TNFRSF10C: variants seen among roughly 807,000 people sequenced by gnomAD.
TNFRSF10C encodes tumor necrosis factor receptor superfamily member 10C.
Under a neutral mutation model 16.7 loss-of-function variants are expected in TNFRSF10C, and 17 were observed. The observed-to-expected ratio is 1.02, with a 90% CI of 0.70 to 1.53. TNFRSF10C has a LOEUF of 1.53. TNFRSF10C is among the 40% of genes most tolerant of loss of function. The pLI, the probability that TNFRSF10C is intolerant of heterozygous loss-of-function variation, is 0.00. For missense variants in TNFRSF10C, 237 were observed against 329.7 expected (o/e 0.72, Z 2.18); for synonymous variants, 73 against 119.7 (o/e 0.61, Z 2.55).
chr8:23,110,956 C>T (rs1813868822), intron 1 of TNFRSF10C, among the ~76,000 whole-genome samples: 1 of 152,098 alleles, frequency 6.6e-6, no homozygotes, highest in Non-Finnish European at 1.5e-5. Context: ...AAAATCTTTT[C>T]TTTCCAACCA....
intron 2 of TNFRSF10C, among the ~76,000 whole-genome samples, chr8:23,112,749 G>A (rs1813903563): frequency 6.6e-6 from 1 of 152,134 alleles, no homozygotes; most frequent in Non-Finnish European, 1.5e-5. Flanking sequence ...TCCATGTCTT[G>A]ACCATTGTAA....
intron 1 of TNFRSF10C, among the ~76,000 whole-genome samples, chr8:23,104,409 T>G (rs182732514): frequency 5.2e-3 from 789 of 151,994 alleles, no homozygotes; most frequent in African/African-American, 0.016. Flanking sequence ...GTAAGCCACA[T>G]TTTAATTCAC....
chr8:23,114,320 AT>A (rs2128831478), intron 2 of TNFRSF10C, among the ~76,000 whole-genome samples: 1 of 152,312 alleles, frequency 6.6e-6, no homozygotes, highest in East Asian at 1.9e-4. Context: ...AAATATCTCA[AT>A]GATGTGTATT....
Position 23,116,629 on chromosome 8 carries a change from G to A in TNFRSF10C, c.390-12G>A. ...CTCAGGAGTCCTCACCTCCCTCTCT[G>A]TGTGTACCCAGGTGCCCTAGTGGGG... On this transcript the variant is annotated splice_polypyrimidine_tract_variant and intron_variant, in intron 4 of 4. Coordinates refer to ENST00000356864, the MANE Select transcript of TNFRSF10C (RefSeq NM_003841.5). 6.2e-7 allele frequency: 1 copy of A among 1,610,626 alleles called. No homozygotes were observed. Among genetic ancestry groups the A allele is most frequent in the Non-Finnish European group, 8.5e-7 (1 of 1,177,838 alleles).
At chr8:23,104,907 G>A (rs988032943) in intron 1 of TNFRSF10C, among the ~76,000 whole-genome samples, 2 of 152,182 alleles carry the variant, frequency 1.3e-5, no homozygotes, top group African/African-American at 4.8e-5. Flanking sequence ...GTTGGGGCCA[G>A]TCCCTGCCAC....
chr8:23,113,532 C>T (rs1050880926), intron 2 of TNFRSF10C, among the ~76,000 whole-genome samples: 1 of 152,208 alleles, frequency 6.6e-6, no homozygotes, highest in African/African-American at 2.4e-5. Flanking sequence ...CTACTTTTCT[C>T]AACACCATTT....
rs2128829207 is a variant in TNFRSF10C, at chr8:23,102,939, A to G, written c.-183A>G. On this transcript the variant is annotated 5_prime_UTR_variant, in exon 1 of 5. Transcript: ENST00000356864. ...CGATTCTGGCAGTGCAGCTGTGGGA[A>G]CCTCTCCACGCGCACGAACTCAGCC... 1.3e-6 allele frequency: 2 copies of G among 1,486,980 alleles called. No individual in the cohort carries two copies. Among genetic ancestry groups the G allele is most frequent in the African/African-American group, 2.8e-5 (2 of 71,066 alleles). The allele number at this position is 1,486,980 out of a possible 1,614,324, so 92.1% of individuals were successfully genotyped here.
In TNFRSF10C at chr8:23,103,086, C is replaced by A. The variant is rs1813694859; in HGVS notation, c.-36C>A. The A allele has an allele frequency of 6.2e-7, 1 of 1,601,336 alleles. No homozygotes were observed. Among genetic ancestry groups the A allele is most frequent in the Non-Finnish European group, 8.5e-7 (1 of 1,174,564 alleles). ...GCCGCCTGATGGCCGAGGCAGGGTGCGACCCAGGACCCAGGACGGCGTCGG... is the reference window on the plus strand; with the variant it reads ...GCCGCCTGATGGCCGAGGCAGGGTGAGACCCAGGACCCAGGACGGCGTCGG... On this transcript the variant is annotated 5_prime_UTR_variant, in exon 1 of 5. The change creates a premature stop within an existing upstream ORF in the 5' untranslated region. Transcript: ENST00000356864.
intron 1 of TNFRSF10C, among the ~76,000 whole-genome samples, chr8:23,107,527 C>A (rs1350200101): frequency 6.6e-6 from 1 of 152,182 alleles, no homozygotes; most frequent in African/African-American, 2.4e-5. Flanking sequence ...TTTTAAAAAA[C>A]CTTCAATAGA....
At chr8:23,114,131 G>A (rs1422486078) in intron 2 of TNFRSF10C, among the ~76,000 whole-genome samples, 1 of 152,114 alleles carries the variant, frequency 6.6e-6, no homozygotes, top group Non-Finnish European at 1.5e-5. Flanking sequence ...CAGGAAGAGT[G>A]CTCTTGAGAA....
At position 23,107,673 on chromosome 8, in the gene TNFRSF10C, G is replaced by A. The variant is rs992276896; in HGVS notation, c.61-4047G>A. Among the ~76,000 whole-genome samples, 7 of 152,292 alleles carry A rather than the reference G, an allele frequency of 4.6e-5. No individual in the cohort carries two copies. The East Asian group carries it at 7.7e-4, about 17-fold the overall frequency. On this transcript the variant is annotated intron_variant, in intron 1 of 4. Transcript: ENST00000356864. The stretch of plus-strand genomic sequence containing the variant: ...TAATTAACATTAAAATGTGCAGGGG[G>A]AAAAGGAGTAAAAAAATTAGACTAG...
Position 23,117,174 on chromosome 8 carries a change from T to C in TNFRSF10C, c.*143T>C, listed in dbSNP as rs1814007458. 1 of 1,247,534 alleles carries C rather than the reference T, an allele frequency of 8.0e-7. No homozygotes were observed. The highest frequency in any genetic ancestry group is 1.5e-5 in the South Asian group (1 of 68,916). 77.3% of individuals were successfully genotyped at this position (1,247,534 alleles called of 1,614,324 possible). A position where few individuals can be genotyped will look rare whatever the true frequency, so the allele number is the denominator to read the frequency against. Reference sequence around the variant, plus strand: ...CAGAAACGCCTGCCCCTGCCCCAAGTCCTGGTGTCTCCAGCCTGGCTCTAT... The same window carrying C: ...CAGAAACGCCTGCCCCTGCCCCAAGCCCTGGTGTCTCCAGCCTGGCTCTAT... On this transcript the variant is annotated 3_prime_UTR_variant, in exon 5 of 5. Transcript: ENST00000356864.
chr8:23,103,366 G>A, intron 1 of TNFRSF10C, 185 bp downstream of exon 1: 1 of 1,046,552 alleles, frequency 9.6e-7, no homozygotes, highest in Non-Finnish European at 1.4e-6. Context: ...GGAGGGACCC[G>A]GCCGCGAGGG....
At position 23,117,176 on chromosome 8, in the gene TNFRSF10C, C is replaced by T; in HGVS notation, c.*145C>T. On this transcript the variant is annotated 3_prime_UTR_variant, in exon 5 of 5. Coordinates refer to ENST00000356864, the MANE Select transcript of TNFRSF10C (RefSeq NM_003841.5). The stretch of plus-strand genomic sequence containing the variant: ...GAAACGCCTGCCCCTGCCCCAAGTC[C>T]TGGTGTCTCCAGCCTGGCTCTATCT... The T allele has an allele frequency of 7.2e-6, 9 of 1,250,664 alleles. No individual in the cohort carries two copies. Among genetic ancestry groups the T allele is most frequent in the Non-Finnish European group, 9.9e-6 (9 of 907,904 alleles). The allele number at this position is 1,250,664 out of a possible 1,614,324, so 77.5% of individuals were successfully genotyped here. A position where few individuals can be genotyped will look rare whatever the true frequency, so the allele number is the denominator to read the frequency against.
At chr8:23,108,639 T>C (rs1813821723) in intron 1 of TNFRSF10C, among the ~76,000 whole-genome samples, 1 of 152,256 alleles carries the variant, frequency 6.6e-6, no homozygotes, top group African/African-American at 2.4e-5. Flanking sequence ...TGCCTAGTAA[T>C]ACATCTTCAA....
At position 23,114,718 on chromosome 8, in the gene TNFRSF10C, C is replaced by T. The variant is rs1408521306; in HGVS notation, c.228C>T (p.Thr76=). 1 of 1,614,046 alleles carries T rather than the reference C, an allele frequency of 6.2e-7. No individual in the cohort carries two copies. Reference sequence around the variant, plus strand: ...CGTGCACAGAGGGTGTGGATTACACCAACGCTTCCAACAATGAACCTTCTT... The same window carrying T: ...CGTGCACAGAGGGTGTGGATTACACTAACGCTTCCAACAATGAACCTTCTT... ...CNPCTEGVDY[T]NASNNEPSCF... The change falls in exon 3 of 5, where the codon ACC becomes ACT. Residue 76 remains threonine, a synonymous_variant. Coordinates refer to ENST00000356864, the MANE Select transcript of TNFRSF10C (RefSeq NM_003841.5).
intron 1 of TNFRSF10C, among the ~76,000 whole-genome samples, chr8:23,107,832 A>G (rs1235050775): frequency 3.9e-5 from 6 of 152,222 alleles, no homozygotes; most frequent in Middle Eastern, 3.2e-3. Flanking sequence ...AGACTCAACT[A>G]TATCTTGTCT....
intron 4 of TNFRSF10C, 57 bp from the exon 5 acceptor site, chr8:23,116,584 T>C (rs756553205): frequency 6.4e-7 from 1 of 1,569,178 alleles, no homozygotes; most frequent in Non-Finnish European, 8.6e-7. Context: ...TCCCCTTTTA[T>C]CCCACCTGGC....
intron 1 of TNFRSF10C, chr8:23,103,677 C>T (rs73546640): frequency 0.052 from 9,096 of 175,554 alleles, 720 homozygotes; most frequent in African/African-American, 0.19. Context: ...TGGCAGGAAG[C>T]GGTTAACCAA....
Sources: gnomAD v4.1 joint callset for allele counts (sites outside exome capture counted in the v4.1 genomes callset) on GRCh38, gnomAD v4.1.1 for gene constraint, MANE v1.5 for transcripts, NCBI Gene and HGNC (gene_info 2026-07-23, HGNC 2026-07-21) for gene names.